The following CRACR2B variants were observed in gnomAD, a reference collection of about 807,000 sequenced individuals.
CRACR2B encodes the protein calcium release activated channel regulator 2B.
In CRACR2B, 50 loss-of-function variants were observed where a neutral mutation model predicts 46.0. The observed-to-expected ratio is 1.09, with a 90% confidence interval of 0.87 to 1.38. CRACR2B has a LOEUF of 1.38. Ranked by LOEUF, CRACR2B falls within the 40% of genes most tolerant of loss-of-function variation. The probability of loss-of-function intolerance (pLI) is 0.00; values close to 1 mark genes in which losing one functional copy is unlikely to be tolerated. For missense variants in CRACR2B, 667 were observed against 535.0 expected, an observed-to-expected ratio of 1.25 and a Z score of -2.43; for synonymous variants, 277 against 239.6, an observed-to-expected ratio of 1.16 and a Z score of -1.44.
Position 831,001 on chromosome 11 carries a change from G to C in CRACR2B, c.922G>C (p.Glu308Gln), listed in dbSNP as rs1479370827. 3 of 1,533,878 alleles carry C rather than the reference G, an allele frequency of 2.0e-6. No individual in the cohort carries two copies. In the Admixed American group the frequency reaches 5.9e-5, roughly 30 times the overall value. Residue 308 changes from glutamate to glutamine, a missense_variant, in exon 7 of 9, where the codon GAA becomes CAA. Glu to Gln is a conservative substitution (Grantham distance 29). Transcript: ENST00000525077. ...GGAGCAGATCCGCAGGCTGGAGAGC[G>C]AAGCACGAGGCCGCCAGGAGCAAAC... is the stretch of plus-strand genomic sequence containing the variant. ...AQEQIRRLES[E>Q]ARGRQEQTQR... is the part of the protein sequence containing the mutation.
upstream of CRACR2B, among the ~76,000 whole-genome samples, chr11:826,957 T>C (rs565020435): frequency 1.3e-5 from 2 of 152,106 alleles, no homozygotes; most frequent in African/African-American, 4.8e-5. Flanking sequence ...TAAGTCGGGC[T>C]CCCCCCGGAC....
chr11:829,543 G>A lies in CRACR2B; in HGVS notation c.458+3G>A, dbSNP rs868774422. The A allele has an allele frequency of 5.1e-6, 8 of 1,568,154 alleles. No individual in the cohort carries two copies. In the South Asian group the frequency reaches 7.0e-5, roughly 14 times the overall value. The stretch of plus-strand genomic sequence containing the variant: ...GGGGTGGCCCCGGTCCTGGGCAAGT[G>A]AGTCGGCGCTGGCCCCGCTCCCACT... On this transcript the variant is annotated splice_donor_region_variant and intron_variant, in intron 3 of 8. Transcript: ENST00000525077.
In CRACR2B at chr11:828,502, T is replaced by A. The variant is rs566683578; in HGVS notation, c.-106T>A. 71 of 1,360,270 alleles carry A rather than the reference T, an allele frequency of 5.2e-5. 1 individual carries two copies. In the South Asian group the frequency reaches 1.1e-3, roughly 21 times the overall value. The allele number at this position is 1,360,270 out of a possible 1,614,324, so 84.3% of individuals were successfully genotyped here. A position where few individuals can be genotyped will look rare whatever the true frequency, so the allele number is the denominator to read the frequency against. Reference sequence around the variant, plus strand: ...ACCTGCTGCAGGGAGGGCCCTCGGCTGAGCCTTCAGACACACTTGCACCCC... The same window carrying A: ...ACCTGCTGCAGGGAGGGCCCTCGGCAGAGCCTTCAGACACACTTGCACCCC... On this transcript the variant is annotated 5_prime_UTR_variant, in exon 1 of 9. Coordinates refer to ENST00000525077, the MANE Select transcript of CRACR2B (RefSeq NM_001286606.2).
rs1329587104 is a variant in CRACR2B at position 829,383 on chromosome 11, G to A, written c.301G>A (p.Ala101Thr). Reference protein sequence around the residue: ...GLGMFVGVASAQGANPCRTPE... With the variant: ...GLGMFVGVASTQGANPCRTPE... Reference sequence around the variant, plus strand: ...AGGGATGTTTGTGGGGGTGGCGTCAGCCCAGGGAGCGAACCCCTGCAGGAC... The same window carrying A: ...AGGGATGTTTGTGGGGGTGGCGTCAACCCAGGGAGCGAACCCCTGCAGGAC... Residue 101 changes from alanine (A) to threonine (T), a missense_variant, in exon 3 of 9, where the codon GCC becomes ACC. By Grantham distance (58) the Ala-to-Thr change is moderately conservative (BLOSUM62 0). Transcript: ENST00000525077. The A allele has an allele frequency of 1.2e-6, 2 of 1,609,812 alleles. No individual in the cohort carries two copies. The highest frequency in any genetic ancestry group is 1.3e-5 in the African/African-American group (1 of 74,900).
rs200216625 is a variant in CRACR2B at position 828,684 on chromosome 11, C to T, written c.77C>T (p.Pro26Leu). The T allele has an allele frequency of 2.5e-5, 41 of 1,611,518 alleles. No individual in the cohort carries two copies. The Admixed American group carries it at 2.9e-4, about 11-fold the overall frequency. The change falls in exon 1 of 9, where the codon CCG becomes CTG. Residue 26 changes from proline to leucine, a missense_variant. Physicochemically the swap from Pro to Leu is moderately conservative, Grantham distance 98. Coordinates refer to ENST00000525077, the MANE Select transcript of CRACR2B (RefSeq NM_001286606.2). ...EGELEGGSAG[P>L]RAAILEQAEE... ...GAACTCGAGGGGGGCTCTGCAGGGCCGCGGGCTGCAATACTGGAGCAGGCT... is the reference window on the plus strand; with the variant it reads ...GAACTCGAGGGGGGCTCTGCAGGGCTGCGGGCTGCAATACTGGAGCAGGCT...
rs1483579415 is a variant in CRACR2B, at chr11:831,652, C to T, written c.1143C>T (p.Cys381=). The T allele has an allele frequency of 6.5e-7, 1 of 1,545,540 alleles. No individual in the cohort carries two copies. The highest frequency in any genetic ancestry group is 2.4e-5 in the East Asian group (1 of 41,894). ...TGCCTGGGCCCACCTGCTGCTGCTGCTGTTGCTGGGCTCGGCCCCCCAGAC... is the reference window on the plus strand; with the variant it reads ...TGCCTGGGCCCACCTGCTGCTGCTGTTGTTGCTGGGCTCGGCCCCCCAGAC... The part of the protein sequence containing the change: ...ARLPGPTCCC[C]CCWARPPRRG... The change falls in exon 9 of 9, where the codon TGC becomes TGT. Residue 381 remains cysteine, a synonymous_variant. Transcript: ENST00000525077.
chr11:829,408 C>T lies in CRACR2B; in HGVS notation c.326C>T (p.Thr109Ile), dbSNP rs748631052. ...ASAQGANPCR[T>I]PEETFESGGL... ...GCCCAGGGAGCGAACCCCTGCAGGA[C>T]TCCCGAGGAGACCTTTGAGTCGGGC... is the stretch of plus-strand genomic sequence containing the variant. The change falls in exon 3 of 9, where the codon ACT becomes ATT. Residue 109 changes from threonine to isoleucine, a missense_variant. Transcript: ENST00000525077. The T allele has an allele frequency of 2.5e-6, 4 of 1,611,120 alleles. No homozygotes were observed. In the African/African-American group the frequency reaches 4.0e-5, roughly 16 times the overall value.
intron 8 of CRACR2B, 51 bp from the exon 9 acceptor site, chr11:831,484 C>T (rs542807088): frequency 7.9e-6 from 12 of 1,521,552 alleles, no homozygotes; most frequent in Non-Finnish European, 1.1e-5. Flanking sequence ...TCACCTCCCC[C>T]CACCTTGAGC....
Position 829,442 on chromosome 11 carries a change from C to G in CRACR2B, c.360C>G (p.Asp120Glu), listed in dbSNP as rs1414156648. 26 of 1,610,536 alleles carry G rather than the reference C, an allele frequency of 1.6e-5. No individual in the cohort carries two copies. Among genetic ancestry groups the G allele is most frequent in the Non-Finnish European group, 2.0e-5 (23 of 1,179,134 alleles). Residue 120 changes from aspartate to glutamate, a missense_variant, in exon 3 of 9, where the codon GAC becomes GAG. Coordinates refer to ENST00000525077, the MANE Select transcript of CRACR2B (RefSeq NM_001286606.2). The part of the protein sequence containing the change: ...PEETFESGGL[D>E]VQGTAGSLDE... ...AGACCTTTGAGTCGGGCGGGCTCGA[C>G]GTGCAGGGCACGGCGGGCTCTCTGG...
At position 829,393 on chromosome 11, in the gene CRACR2B, C is replaced by A. The variant is rs200792273; in HGVS notation, c.311C>A (p.Ala104Glu). 134 of 1,610,118 alleles carry A rather than the reference C, an allele frequency of 8.3e-5. No homozygotes were observed. Among genetic ancestry groups the A allele is most frequent in the South Asian group, 5.7e-4 (52 of 90,544 alleles). Reference protein sequence around the residue: ...MFVGVASAQGANPCRTPEETF... With the variant: ...MFVGVASAQGENPCRTPEETF... ...GTGGGGGTGGCGTCAGCCCAGGGAG[C>A]GAACCCCTGCAGGACTCCCGAGGAG... The change falls in exon 3 of 9, where the codon GCG becomes GAG. Residue 104 changes from alanine to glutamate, a missense_variant. Ala to Glu is a moderately radical substitution (Grantham distance 107). Transcript: ENST00000525077.
In CRACR2B at chr11:829,549, G is replaced by A. The variant is rs775836040; in HGVS notation, c.458+9G>A. The A allele has an allele frequency of 1.9e-6, 3 of 1,559,498 alleles. No homozygotes were observed. ...GCCCCGGTCCTGGGCAAGTGAGTCGGCGCTGGCCCCGCTCCCACTGCCCGC... is the reference window on the plus strand; with the variant it reads ...GCCCCGGTCCTGGGCAAGTGAGTCGACGCTGGCCCCGCTCCCACTGCCCGC... On this transcript the variant is annotated intron_variant, in intron 3 of 8. Coordinates refer to ENST00000525077, the MANE Select transcript of CRACR2B (RefSeq NM_001286606.2).
rs1403546948 is a variant in CRACR2B at position 828,725 on chromosome 11, CTG to C, written c.123_124del (p.Cys41Ter). 1.2e-6 allele frequency: 2 copies of C among 1,613,432 alleles called. No individual in the cohort carries two copies. Among genetic ancestry groups the C allele is most frequent in the Non-Finnish European group, 1.7e-6 (2 of 1,179,904 alleles). The part of the protein sequence containing the change: ...ILEQAEELFL[L>X]CDKEAKGFIT... ...GGAGCAGGCTGAGGAGCTGTTTCTG[CTG>C]TGTGACAAGGAGGCTAAGGGCTTCA... On this transcript the variant is annotated frameshift_variant, in exon 1 of 9. Transcript: ENST00000525077. LOFTEE classifies it high-confidence loss of function.
rs1846330103 is a variant in CRACR2B, at chr11:830,641, G to A, written c.714G>A (p.Arg238=). The change falls in exon 6 of 9, where the codon CGG becomes CGA. Residue 238 remains arginine (R), a synonymous_variant. Transcript: ENST00000525077. ...CCCAGAACTTCGCCCGCGGGGAGCG[G>A]AGAAGCCGTCTGGAGCTGGAGCTGC... ...PPSQNFARGE[R]RSRLELELQS... The A allele has an allele frequency of 8.4e-6, 13 of 1,549,034 alleles. No homozygotes were observed. The highest frequency in any genetic ancestry group is 1.0e-5 in the Non-Finnish European group (12 of 1,146,682).
rs1846399090 is a variant in CRACR2B at position 831,215 on chromosome 11, C to T, written c.954-9C>T. 2 of 1,610,176 alleles carry T rather than the reference C, an allele frequency of 1.2e-6. No homozygotes were observed. Among genetic ancestry groups the T allele is most frequent in the South Asian group, 2.2e-5 (2 of 91,018 alleles). Reference sequence around the variant, plus strand: ...TTCCTGCAGCCGGGTCACCACCTCCCATCCACAGAGACGTGGTCGCCGTCT... The same window carrying T: ...TTCCTGCAGCCGGGTCACCACCTCCTATCCACAGAGACGTGGTCGCCGTCT... On this transcript the variant is annotated splice_polypyrimidine_tract_variant and intron_variant, in intron 7 of 8. Coordinates refer to ENST00000525077, the MANE Select transcript of CRACR2B (RefSeq NM_001286606.2).
intron 5 of CRACR2B, 83 bp downstream of exon 5, chr11:830,420 C>G (rs1465592949): frequency 1.3e-6 from 2 of 1,536,180 alleles, no homozygotes; most frequent in Admixed American, 3.9e-5. Flanking sequence ...GAATTAATCC[C>G]TCCCCGACGG....
chr11:830,475 C>T (rs1420416945), intron 5 of CRACR2B, 138 bp downstream of exon 5: 1 of 1,536,728 alleles, frequency 6.5e-7, no homozygotes, highest in African/African-American at 1.4e-5. Flanking sequence ...GAGGAGATCC[C>T]ACTGGGCCTC....
Position 830,270 on chromosome 11 carries a change from G to T in CRACR2B, c.626G>T (p.Arg209Met). 6.6e-7 allele frequency: 1 copy of T among 1,522,678 alleles called. No individual in the cohort carries two copies. Among genetic ancestry groups the T allele is most frequent in the African/African-American group, 1.4e-5 (1 of 72,790 alleles). The allele number at this position is 1,522,678 out of a possible 1,614,324, so 94.3% of individuals were successfully genotyped here. Residue 209 changes from arginine (R) to methionine (M), a missense_variant, in exon 5 of 9, where the codon AGG becomes ATG. Arg to Met is a moderately conservative substitution (Grantham distance 91). Transcript: ENST00000525077. ...ALRRRESEHEREVRALYEETE... is the reference protein window; with the variant it reads ...ALRRRESEHEMEVRALYEETE... The stretch of plus-strand genomic sequence containing the variant: ...CGAAGGCGCGAGAGCGAGCACGAGA[G>T]GGAGGTGCGCGCTCTGTACGAGGAG...
At chr11:829,765 G>A in intron 3 of CRACR2B, 2 of 1,048,746 alleles carry the variant, frequency 1.9e-6, no homozygotes, top group Non-Finnish European at 2.7e-6. Context: ...GGGCAGCGCC[G>A]GGCGCGGGGC....
upstream of CRACR2B, chr11:827,476 C>G: frequency 5.5e-6 from 5 of 913,244 alleles, no homozygotes; most frequent in Non-Finnish European, 6.5e-6. Context: ...GCGGGGTTGT[C>G]CCCCAGAGTT....
Sources: gnomAD v4.1 joint callset for allele counts (sites outside exome capture counted in the v4.1 genomes callset) on GRCh38, gnomAD v4.1.1 for gene constraint, MANE v1.5 for transcripts, NCBI Gene and HGNC (gene_info 2026-07-23, HGNC 2026-07-21) for gene names.